Variants in C6orf132 observed in about 807,000 individuals in gnomAD.
C6orf132 encodes the protein uncharacterized protein C6orf132.
In C6orf132, 43 loss-of-function variants were observed where a neutral mutation model predicts 65.3. The ratio of observed to expected loss-of-function variants is 0.66; its 90% CI spans 0.52 to 0.85. The LOEUF (loss-of-function observed/expected upper bound fraction) is 0.85, where lower values mean the gene tolerates loss of function less well. Ranked by LOEUF, C6orf132 falls within the 40% of genes least tolerant of loss-of-function variation. The probability of loss-of-function intolerance (pLI) is 0.00; values close to 1 mark genes in which losing one functional copy is unlikely to be tolerated. For synonymous variants in C6orf132, 631 were observed against 654.1 expected (o/e 0.96, Z 0.54); for missense variants, 1,488 against 1,548.8 (o/e 0.96, Z 0.66).
rs115722087 is a variant in C6orf132 at position 42,137,497 on chromosome 6, G to A, written c.145+4803C>T. Among the ~76,000 whole-genome samples, 350 of 152,088 alleles carry A rather than the reference G, an allele frequency of 2.3e-3. 3 individuals are homozygous for A. Among genetic ancestry groups the A allele is most frequent in the African/African-American group, 7.0e-3 (290 of 41,480 alleles). On this transcript the variant is annotated intron_variant, in intron 1 of 4. Coordinates refer to ENST00000341865, the MANE Select transcript of C6orf132 (RefSeq NM_001164446.3). ...GGTGGGAGTTTCCCACTCTTTAGCCGGGCCTGAAACAAAGGGTCAGGAGAC... is the reference window on the plus strand; with the variant it reads ...GGTGGGAGTTTCCCACTCTTTAGCCAGGCCTGAAACAAAGGGTCAGGAGAC...
intron 2 of C6orf132, among the ~76,000 whole-genome samples, chr6:42,119,081 AAAAG>A (rs1220818053): frequency 6.8e-6 from 1 of 147,360 alleles, no homozygotes; most frequent in African/African-American, 2.5e-5. Context: ...AAAAAAAAAA[AAAAG>A]AAAAAAAAAA....
In C6orf132 at chr6:42,110,249, C is replaced by T. The variant is rs1766473551; in HGVS notation, c.295G>A (p.Val99Ile). The T allele has an allele frequency of 1.3e-6, 2 of 1,548,268 alleles. No homozygotes were observed. Among genetic ancestry groups the T allele is most frequent in the South Asian group, 2.4e-5 (2 of 83,308 alleles). Reference protein sequence around the residue: ...NHGLAVPTPSVPDDFADKEVT... With the variant: ...NHGLAVPTPSIPDDFADKEVT... ...TCTTTGTCTGCAAAATCATCTGGAA[C>T]CGAGGGGGTGGGCACAGCCAGCCCA... Residue 99 changes from valine to isoleucine, a missense_variant, in exon 3 of 5, where the codon GTT (valine) becomes ATT (isoleucine). By Grantham distance (29) the Val-to-Ile change is conservative. Transcript: ENST00000341865.
chr6:42,126,531 T>C (rs1766767924), intron 2 of C6orf132: 1 of 170,654 alleles, frequency 5.9e-6, no homozygotes, highest in African/African-American at 2.4e-5. Context: ...GGAGAGAATC[T>C]AATTAACCTC....
chr6:42,104,411 C>T lies in C6orf132; in HGVS notation c.3449+52G>A. ...GATGGCCGGGACTCCTTGGCCCTCG[C>T]CTGGCTTTCCACCCCTCCTGGCTTC... On this transcript the variant is annotated intron_variant, in intron 4 of 4. Transcript: ENST00000341865. This position sits in a 1 kb window ranked among gnomAD's most constrained non-coding sequence, Gnocchi z 4.1. 4.1e-6 allele frequency: 5 copies of T among 1,228,502 alleles called. No individual in the cohort carries two copies. The highest frequency in any genetic ancestry group is 5.1e-6 in the Non-Finnish European group (5 of 986,098). The allele number at this position is 1,228,502 out of a possible 1,614,324, so 76.1% of individuals were successfully genotyped here.
rs1211567219 is a variant in C6orf132, at chr6:42,104,607, C to T, written c.3305G>A (p.Arg1102Gln). The change falls in exon 4 of 5, where the codon CGG becomes CAG. Residue 1102 changes from arginine (R) to glutamine (Q), a missense_variant. Coordinates refer to ENST00000341865, the MANE Select transcript of C6orf132 (RefSeq NM_001164446.3). This position sits in a 1 kb window ranked among gnomAD's most constrained non-coding sequence, Gnocchi z 4.1. ...FGPQPGGPEM[R>Q]RVNSAGRAPP... ...CGCGCGACCCGCCGAGTTCACGCGC[C>T]GCATCTCGGGGCCTCCGGGCTGCGG... 9.6e-6 allele frequency: 13 copies of T among 1,349,086 alleles called. No homozygotes were observed. Among genetic ancestry groups the T allele is most frequent in the Non-Finnish European group, 1.2e-5 (13 of 1,056,082 alleles). The allele number at this position is 1,349,086 out of a possible 1,614,324, so 83.6% of individuals were successfully genotyped here.
At chr6:42,138,989 G>C (rs919362718) in intron 1 of C6orf132, among the ~76,000 whole-genome samples, 3 of 152,074 alleles carry the variant, frequency 2.0e-5, no homozygotes, top group Admixed American at 2.0e-4. Flanking sequence ...GAGAAATTCT[G>C]TAAAGAAAAT....
chr6:42,108,183 A>G (rs1766443119), intron 3 of C6orf132, among the ~76,000 whole-genome samples: 1 of 152,222 alleles, frequency 6.6e-6, no homozygotes, highest in African/African-American at 2.4e-5. Flanking sequence ...CAGAAAGTCC[A>G]GGGTTCAAAT....
chr6:42,141,579 G>A (rs925671266), intron 1 of C6orf132, among the ~76,000 whole-genome samples: 2 of 152,182 alleles, frequency 1.3e-5, no homozygotes, highest in Non-Finnish European at 2.9e-5. Flanking sequence ...CAGGGTCAGC[G>A]GCAGCTGGCA....
chr6:42,115,796 C>T (rs1230821442), intron 2 of C6orf132, among the ~76,000 whole-genome samples: 3 of 151,932 alleles, frequency 2.0e-5, no homozygotes, highest in Admixed American at 6.5e-5. Context: ...AACCTCTAGA[C>T]ATCACCTCTT....
chr6:42,106,244 T>C lies in C6orf132; in HGVS notation c.1668A>G (p.Gln556=). Residue 556 remains glutamine, a synonymous_variant, in exon 4 of 5, where the codon CAA becomes CAG. Transcript: ENST00000341865. The stretch of plus-strand genomic sequence containing the variant: ...GCCGCACACTGGGAGTTGGAGAGTC[T>C]TGGGGAATGTAGTCCACAGAGGGCA... The part of the protein sequence containing the change: ...LTLPSVDYIP[Q]DSPTPSVRQI... 6.5e-7 allele frequency: 1 copy of C among 1,537,176 alleles called. No individual in the cohort carries two copies. The highest frequency in any genetic ancestry group is 1.4e-5 in the African/African-American group (1 of 73,164).
chr6:42,108,722 A>G (rs1056857060), intron 3 of C6orf132, among the ~76,000 whole-genome samples: 3 of 152,150 alleles, frequency 2.0e-5, no homozygotes, highest in Non-Finnish European at 4.4e-5. Flanking sequence ...CCAGCAGCGC[A>G]CATCCCTCTC....
At chr6:42,122,319 C>T (rs773960693) in intron 2 of C6orf132, among the ~76,000 whole-genome samples, 9 of 152,218 alleles carry the variant, frequency 5.9e-5, no homozygotes, top group Non-Finnish European at 1.0e-4. Flanking sequence ...GGGCGCACCA[C>T]GTCCCTGGAG....
At chr6:42,130,011 C>T (rs1027919326) in intron 1 of C6orf132, among the ~76,000 whole-genome samples, 9 of 152,340 alleles carry the variant, frequency 5.9e-5, no homozygotes, top group South Asian at 2.1e-4. Context: ...CACCGATAGC[C>T]GCAGCACCCC....
rs1766733699 is a variant in C6orf132, at chr6:42,124,325, G to A, written c.252+4347C>T. On this transcript the variant is annotated intron_variant, in intron 2 of 4. Coordinates refer to ENST00000341865, the MANE Select transcript of C6orf132 (RefSeq NM_001164446.3). The surrounding 1 kb of genome is among the most constrained non-coding windows in gnomAD (Gnocchi z 4.0). ...CCAGCACCCACAGCACACAGAACAA[G>A]GGAACTCTGGGGAAGGGGGCAGAAG... Among the ~76,000 whole-genome samples the A allele has an allele frequency of 6.6e-6, 1 of 152,230 alleles. No individual in the cohort carries two copies. The highest frequency in any genetic ancestry group is 1.5e-5 in the Non-Finnish European group (1 of 68,044).
At position 42,107,462 on chromosome 6, in the gene C6orf132, G is replaced by A. The variant is rs958047726; in HGVS notation, c.450C>T (p.Pro150=). ...PPPPPGPAPG[P]PQDISEPPGG... is the part of the protein sequence containing the mutation. The stretch of plus-strand genomic sequence containing the variant: ...CTGGAGGTTCTGAAATGTCCTGAGG[G>A]GGCCCTGGGGCTGGGCCTGGGGGAG... Residue 150 remains proline (P), a synonymous_variant, in exon 4 of 5, where the codon CCC becomes CCT. Transcript: ENST00000341865. 38 of 1,544,346 alleles carry A rather than the reference G, an allele frequency of 2.5e-5. No individual in the cohort carries two copies. Among genetic ancestry groups the A allele is most frequent in the Non-Finnish European group, 2.9e-5 (33 of 1,143,722 alleles).
chr6:42,134,186 C>G (rs1045668458), intron 1 of C6orf132, among the ~76,000 whole-genome samples: 1 of 152,156 alleles, frequency 6.6e-6, no homozygotes, highest in Admixed American at 6.6e-5. Context: ...GGGTTTAGAG[C>G]CCAGCTGAAC....
chr6:42,136,337 A>T (rs763896160), intron 1 of C6orf132, among the ~76,000 whole-genome samples: 28 of 152,118 alleles, frequency 1.8e-4, no homozygotes, highest in Non-Finnish European at 3.5e-4. Context: ...CAGGAGAGGG[A>T]AGGAAGCTAG....
rs144166469 is a variant in C6orf132 at position 42,130,258 on chromosome 6, C to T, written c.146-1480G>A. Among the ~76,000 whole-genome samples the T allele has an allele frequency of 9.8e-4, 149 of 152,376 alleles. 1 individual carries two copies. The highest frequency in any genetic ancestry group is 1.9e-3 in the Admixed American group (29 of 15,304). ...TGCACTCTGGGCAAATATGATTTTCCAGTCCCAGTTGCCAGTCTCCATGCC... is the reference window on the plus strand; with the variant it reads ...TGCACTCTGGGCAAATATGATTTTCTAGTCCCAGTTGCCAGTCTCCATGCC... On this transcript the variant is annotated intron_variant, in intron 1 of 4. Coordinates refer to ENST00000341865, the MANE Select transcript of C6orf132 (RefSeq NM_001164446.3).
chr6:42,117,413 C>T (rs1249417684), intron 2 of C6orf132, among the ~76,000 whole-genome samples: 1 of 152,104 alleles, frequency 6.6e-6, no homozygotes, highest in African/African-American at 2.4e-5. Context: ...AGCCTGCTTC[C>T]TTTGCCAGTA....
Sources: gnomAD v4.1 joint callset for allele counts (sites outside exome capture counted in the v4.1 genomes callset) on GRCh38, gnomAD v4.1.1 for gene constraint, Gnocchi (gnomAD v3.1) non-coding constraint, MANE v1.5 for transcripts, NCBI Gene and HGNC (gene_info 2026-07-23, HGNC 2026-07-21) for gene names.